Variants in UFL1 observed in about 807,000 individuals in gnomAD.
UFL1 encodes E3 UFM1-protein ligase 1.
Under a neutral mutation model 99.3 loss-of-function variants are expected in UFL1, and 78 were observed. That is an observed-to-expected ratio of 0.79 (90% CI 0.65 to 0.95). The LOEUF is 0.95. Among genes scored for constraint, UFL1 ranks in the 40% least tolerant of loss-of-function variants. The pLI, the probability that UFL1 is intolerant of heterozygous loss-of-function variation, is 0.00. For synonymous variants in UFL1, 335 were observed against 322.2 expected, an observed-to-expected ratio of 1.04 and a Z score of -0.42; for missense variants, 936 against 937.0, an observed-to-expected ratio of 1.00 and a Z score of 0.01.
chr6:96,547,268 A>G (rs1484666482), intron 12 of UFL1, among the ~76,000 whole-genome samples: 2 of 151,572 alleles, frequency 1.3e-5, no homozygotes, highest in East Asian at 1.9e-4. Flanking sequence ...AAACCACAAT[A>G]TATCATCATA....
intron 12 of UFL1, 48 bp from the exon 13 acceptor site, chr6:96,548,116 A>C: frequency 7.8e-7 from 1 of 1,285,244 alleles, no homozygotes; most frequent in Non-Finnish European, 1.1e-6. Context: ...ATTTGGTTGC[A>C]TGTTTTTTAT....
intron 12 of UFL1, among the ~76,000 whole-genome samples, chr6:96,543,642 CT>C (rs1769961064): frequency 6.6e-6 from 1 of 151,018 alleles, no homozygotes; most frequent in Non-Finnish European, 1.5e-5. Context: ...ATGAAAACAT[CT>C]TAGAGGATGT....
chr6:96,528,660 T>G, intron 6 of UFL1, 28 bp downstream of exon 6: 1 of 1,557,018 alleles, frequency 6.4e-7, no homozygotes, highest in Non-Finnish European at 8.7e-7. Flanking sequence ...TATATATATT[T>G]GCACATTTCT....
chr6:96,529,056 A>G (rs1461723344), intron 6 of UFL1, among the ~76,000 whole-genome samples: 2 of 152,230 alleles, frequency 1.3e-5, no homozygotes, highest in African/African-American at 4.8e-5. Context: ...TGGGCATCAT[A>G]TGGGGCTAGA....
intron 6 of UFL1, among the ~76,000 whole-genome samples, chr6:96,533,005 GT>G (rs1468939584): frequency 2.0e-5 from 3 of 152,086 alleles, no homozygotes; most frequent in Non-Finnish European, 2.9e-5. Context: ...GCTTTCACAA[GT>G]TTGAAGTAGA....
chr6:96,553,678 A>T lies in UFL1; in HGVS notation c.*175A>T, dbSNP rs878973479. Reference sequence around the variant, plus strand: ...TAAATGTAAATCTTAAAAAGATGTGAATTTTTGTAAATTGGGTTCTTCATG... The same window carrying T: ...TAAATGTAAATCTTAAAAAGATGTGTATTTTTGTAAATTGGGTTCTTCATG... On this transcript the variant is annotated 3_prime_UTR_variant, in exon 19 of 19. Coordinates refer to ENST00000369278, the MANE Select transcript of UFL1 (RefSeq NM_015323.5). 1 of 446,994 alleles carries T rather than the reference A, an allele frequency of 2.2e-6. No homozygotes were observed. Among genetic ancestry groups the T allele is most frequent in the Non-Finnish European group, 3.8e-6 (1 of 260,652 alleles). 27.7% of individuals were successfully genotyped at this position (446,994 alleles called of 1,614,324 possible).
chr6:96,551,626 G>T (rs1278516141), intron 16 of UFL1, 113 bp downstream of exon 16: 2 of 792,900 alleles, frequency 2.5e-6, no homozygotes, highest in Non-Finnish European at 3.9e-6. Context: ...CTAGTATTTT[G>T]CACTCAGCTG....
chr6:96,522,273 C>A (rs764372135), intron 1 of UFL1, among the ~76,000 whole-genome samples: 3 of 152,184 alleles, frequency 2.0e-5, no homozygotes, highest in Non-Finnish European at 4.4e-5. Context: ...CCACCAACCA[C>A]CAAATCACTG....
At chr6:96,536,799 C>G (rs1769860563) in intron 8 of UFL1, among the ~76,000 whole-genome samples, 1 of 151,246 alleles carries the variant, frequency 6.6e-6, no homozygotes, top group African/African-American at 2.4e-5. Flanking sequence ...GCTAAGTTGC[C>G]CAGTTTTTCA....
intron 13 of UFL1, among the ~76,000 whole-genome samples, chr6:96,549,012 C>G (rs1407596577): frequency 6.7e-6 from 1 of 150,100 alleles, no homozygotes. Flanking sequence ...TCATTTTGCA[C>G]TGCTTTTTAG....
chr6:96,525,230 G>A, intron 3 of UFL1, 67 bp from the exon 4 acceptor site: 2 of 1,242,860 alleles, frequency 1.6e-6, no homozygotes, highest in East Asian at 2.4e-5. Context: ...ATAGTTCTAA[G>A]TATATAATTT....
In UFL1 at chr6:96,551,480, T is replaced by C. The variant is rs375797149; in HGVS notation, c.1866T>C (p.Ala622=). 53 of 1,537,698 alleles carry C rather than the reference T, an allele frequency of 3.4e-5. No homozygotes were observed. The highest frequency in any genetic ancestry group is 4.5e-5 in the Non-Finnish European group (51 of 1,139,850). Reference sequence around the variant, plus strand: ...AATTATCAGAAGAAACCAAAGTAGCTCTTACAAAACTCCATAACTCTCTGA... The same window carrying C: ...AATTATCAGAAGAAACCAAAGTAGCCCTTACAAAACTCCATAACTCTCTGA... ...LSKLSEETKV[A]LTKLHNSLNE... The change falls in exon 16 of 19, where the codon GCT becomes GCC. Residue 622 remains alanine (A), a synonymous_variant. Coordinates refer to ENST00000369278, the MANE Select transcript of UFL1 (RefSeq NM_015323.5).
chr6:96,552,689 C>T (rs1204790594), intron 18 of UFL1, 27 bp downstream of exon 18: 16 of 1,557,012 alleles, frequency 1.0e-5, no homozygotes, highest in Non-Finnish European at 1.4e-5. Context: ...ACACTTGAAA[C>T]TTTCAAAGAT....
At position 96,553,520 on chromosome 6, in the gene UFL1, T is replaced by G. The variant is rs55977444; in HGVS notation, c.*17T>G. 1.9e-6 allele frequency: 3 copies of G among 1,608,178 alleles called. No individual in the cohort carries two copies. The African/African-American group carries it at 4.0e-5, about 22-fold the overall frequency. On this transcript the variant is annotated 3_prime_UTR_variant, in exon 19 of 19. Transcript: ENST00000369278. Reference sequence around the variant, plus strand: ...GAAGAGTAATGATCTTAATTTACATTTGTCATATAGTAAGCATTTTCCCCC... The same window carrying G: ...GAAGAGTAATGATCTTAATTTACATGTGTCATATAGTAAGCATTTTCCCCC...
intron 12 of UFL1, 87 bp from the exon 13 acceptor site, chr6:96,548,077 C>T: frequency 2.5e-6 from 2 of 805,746 alleles, no homozygotes; most frequent in Non-Finnish European, 3.9e-6. Context: ...TATTGTCTTA[C>T]TAAATATAGT....
At chr6:96,545,091 G>A (rs1351189848) in intron 12 of UFL1, among the ~76,000 whole-genome samples, 1 of 151,046 alleles carries the variant, frequency 6.6e-6, no homozygotes, top group Admixed American at 6.6e-5. Flanking sequence ...ATCATTTAAT[G>A]TGAACATTAG....
intron 5 of UFL1, among the ~76,000 whole-genome samples, chr6:96,526,975 C>G (rs947537908): frequency 1.3e-5 from 2 of 152,168 alleles, no homozygotes; most frequent in Non-Finnish European, 2.9e-5. Context: ...TTTGACTTCA[C>G]CATTTATCCT....
chr6:96,552,743 A>G, intron 18 of UFL1, 81 bp downstream of exon 18: 1 of 1,288,960 alleles, frequency 7.8e-7, no homozygotes, highest in Non-Finnish European at 1.0e-6. Flanking sequence ...AATTACTGTC[A>G]GCACTCAGGT....
In UFL1 at chr6:96,537,490, G is replaced by C. The variant is rs769239464; in HGVS notation, c.919G>C (p.Asp307His). 2 of 1,610,006 alleles carry C rather than the reference G, an allele frequency of 1.2e-6. No homozygotes were observed. Among genetic ancestry groups the C allele is most frequent in the South Asian group, 2.2e-5 (2 of 90,814 alleles). The change falls in exon 9 of 19, where the codon GAT becomes CAT. Residue 307 changes from aspartate (D) to histidine (H), a missense_variant. Asp to His is a moderately conservative substitution (Grantham distance 81). Coordinates refer to ENST00000369278, the MANE Select transcript of UFL1 (RefSeq NM_015323.5). The stretch of plus-strand genomic sequence containing the variant: ...AGCTTGTGTTGGTCAAGGACTTGTG[G>C]ATCAAGTGGAAGCATCAGTAGAAGA... ...KAACVGQGLVDQVEASVEEAI... is the reference protein window; with the variant it reads ...KAACVGQGLVHQVEASVEEAI...
Sources: gnomAD v4.1 joint callset for allele counts (sites outside exome capture counted in the v4.1 genomes callset) on GRCh38, gnomAD v4.1.1 for gene constraint, MANE v1.5 for transcripts, NCBI Gene and HGNC (gene_info 2026-07-23, HGNC 2026-07-21) for gene names.